Variants in GALNT10 observed in about 807,000 individuals in gnomAD.
GALNT10 encodes GalNAc transferase 10.
A neutral mutation model predicts 75.0 loss-of-function variants in GALNT10; 41 were observed. That is an observed-to-expected ratio of 0.55 (90% confidence interval 0.43 to 0.71). GALNT10 has a LOEUF of 0.71. Among genes scored for constraint, GALNT10 ranks in the 30% least tolerant of loss-of-function variants. GALNT10 has a pLI of 0.00. For missense variants in GALNT10, 727 were observed against 818.5 expected (o/e 0.89, Z 1.36); for synonymous variants, 302 against 313.0 (o/e 0.96, Z 0.37).
chr5:154,412,787 C>T lies in GALNT10; in HGVS notation c.1387-102C>T. ...TTATCAAGACGATTTGAAGGTTAATCCAGCTAATGTCTCCCACTTGGTTTC... is the reference window on the plus strand; with the variant it reads ...TTATCAAGACGATTTGAAGGTTAATTCAGCTAATGTCTCCCACTTGGTTTC... On this transcript the variant is annotated intron_variant, in intron 9 of 11. Coordinates refer to ENST00000297107, the MANE Select transcript of GALNT10 (RefSeq NM_198321.4). The surrounding 1 kb of genome is among the most constrained non-coding windows in gnomAD (Gnocchi z 4.2). 1 of 815,058 alleles carries T rather than the reference C, an allele frequency of 1.2e-6. No homozygotes were observed. Among genetic ancestry groups the T allele is most frequent in the East Asian group, 2.4e-5 (1 of 41,146 alleles). The allele number at this position is 815,058 out of a possible 1,614,324, so 50.5% of individuals were successfully genotyped here. A position where few individuals can be genotyped will look rare whatever the true frequency, so the allele number is the denominator to read the frequency against.
At chr5:154,399,411 AG>A (rs1386297261) in intron 7 of GALNT10, among the ~76,000 whole-genome samples, 2 of 152,198 alleles carry the variant, frequency 1.3e-5, no homozygotes, top group East Asian at 3.9e-4. Flanking sequence ...TGAGCAAGCC[AG>A]GAGCATGACG....
At chr5:154,344,824 A>G (rs1253213250) in intron 4 of GALNT10, among the ~76,000 whole-genome samples, 2 of 152,218 alleles carry the variant, frequency 1.3e-5, no homozygotes, top group Non-Finnish European at 2.9e-5. Flanking sequence ...TGTACATTTT[A>G]GAGATGAGAA....
intron 1 of GALNT10, among the ~76,000 whole-genome samples, chr5:154,268,738 A>G (rs1002429107): frequency 6.6e-6 from 1 of 152,244 alleles, no homozygotes; most frequent in East Asian, 1.9e-4. Flanking sequence ...CTCATTTAAT[A>G]AAGTTTAAAT....
chr5:154,208,944 G>T (rs145602126), intron 1 of GALNT10, among the ~76,000 whole-genome samples: 1 of 152,210 alleles, frequency 6.6e-6, no homozygotes, highest in Non-Finnish European at 1.5e-5. Context: ...GCACAGCTAT[G>T]CTTACTGAGT....
chr5:154,322,292 G>A (rs1754687621), intron 3 of GALNT10, among the ~76,000 whole-genome samples: 1 of 152,074 alleles, frequency 6.6e-6, no homozygotes, highest in Admixed American at 6.6e-5. Context: ...GCTAAGAGCT[G>A]CCCATCTTCC....
chr5:154,248,044 G>T (rs1443066497), intron 1 of GALNT10, among the ~76,000 whole-genome samples: 1 of 152,156 alleles, frequency 6.6e-6, no homozygotes, highest in Non-Finnish European at 1.5e-5. Context: ...TTTGTCAAAG[G>T]CCTTTTCTGC....
intron 1 of GALNT10, among the ~76,000 whole-genome samples, chr5:154,221,266 C>T (rs1752974232): frequency 6.6e-6 from 1 of 152,208 alleles, no homozygotes. Flanking sequence ...GCTCCACTGA[C>T]ATTTCATTTT....
At chr5:154,364,353 G>A (rs1405531393) in intron 4 of GALNT10, among the ~76,000 whole-genome samples, 1 of 152,132 alleles carries the variant, frequency 6.6e-6, no homozygotes, top group African/African-American at 2.4e-5. Context: ...TGAGATGAGA[G>A]GTGAGGGATT....
intron 7 of GALNT10, among the ~76,000 whole-genome samples, chr5:154,396,710 T>C (rs890259668): frequency 2.5e-4 from 38 of 152,326 alleles, no homozygotes; most frequent in South Asian, 1.7e-3. Context: ...CAAAACCTAA[T>C]GTAAAGTAAC....
At position 154,352,123 on chromosome 5, in the gene GALNT10, C is replaced by G. The variant is rs1330469802; in HGVS notation, c.568+22385C>G. ...TATTTATGAAATACCCACTCTGTAT[C>G]TGTTTACCAGATACCTGAGTTTCTA... On this transcript the variant is annotated intron_variant, in intron 4 of 11. Transcript: ENST00000297107. The surrounding 1 kb of genome is among the most constrained non-coding windows in gnomAD (Gnocchi z 4.4). 1.3e-5 allele frequency among the ~76,000 whole-genome samples: 2 copies of G among 152,214 alleles called. No individual in the cohort carries two copies. Among genetic ancestry groups the G allele is most frequent in the East Asian group, 3.8e-4 (2 of 5,202 alleles).
At chr5:154,215,554 G>A (rs933273807) in intron 1 of GALNT10, among the ~76,000 whole-genome samples, 7 of 152,212 alleles carry the variant, frequency 4.6e-5, no homozygotes, top group African/African-American at 1.7e-4. Context: ...CCAGGGATGT[G>A]GAGGTCACCA....
intron 7 of GALNT10, among the ~76,000 whole-genome samples, chr5:154,394,763 C>T (rs539084320): frequency 4.5e-4 from 69 of 152,354 alleles, no homozygotes; most frequent in African/African-American, 1.6e-3. Flanking sequence ...ATTTCCCCAT[C>T]CTTTTCCCTG....
intron 4 of GALNT10, chr5:154,338,301 A>C: frequency 4.9e-6 from 3 of 606,972 alleles, no homozygotes; most frequent in Non-Finnish European, 9.0e-6. Flanking sequence ...CTTACCACAC[A>C]ATCTCTGACC....
chr5:154,268,369 G>T (rs1022957459), intron 1 of GALNT10, among the ~76,000 whole-genome samples: 2 of 152,102 alleles, frequency 1.3e-5, no homozygotes, highest in African/African-American at 4.8e-5. Context: ...CCCTGGGTTG[G>T]CTAAAGAGAC....
chr5:154,397,220 A>G (rs1054632840), intron 7 of GALNT10, among the ~76,000 whole-genome samples: 4 of 150,680 alleles, frequency 2.7e-5, no homozygotes, highest in Non-Finnish European at 4.4e-5. Context: ...AGCTGCATCC[A>G]GTAAACATCC....
intron 1 of GALNT10, among the ~76,000 whole-genome samples, chr5:154,248,276 T>A (rs1249762483): frequency 0.012 from 1,450 of 119,056 alleles, no homozygotes; most frequent in Admixed American, 0.019. Flanking sequence ...AATTCTCTTT[T>A]TTTGTTGCGT....
intron 7 of GALNT10, among the ~76,000 whole-genome samples, chr5:154,401,779 G>A (rs565614764): frequency 1.3e-5 from 2 of 152,220 alleles, no homozygotes; most frequent in African/African-American, 4.8e-5. Context: ...GGAGCCAGGT[G>A]GAAGAGCAAG....
intron 1 of GALNT10, among the ~76,000 whole-genome samples, chr5:154,204,599 C>T (rs1431633692): frequency 1.3e-5 from 2 of 152,206 alleles, no homozygotes; most frequent in East Asian, 1.9e-4. Flanking sequence ...AGCCTTCTTA[C>T]ACATCCAGCA....
At chr5:154,234,550 A>C (rs1225966776) in intron 1 of GALNT10, among the ~76,000 whole-genome samples, 1 of 152,222 alleles carries the variant, frequency 6.6e-6, no homozygotes, top group Non-Finnish European at 1.5e-5. Context: ...CTCAGAAACA[A>C]GTTTATGAAA....
Sources: gnomAD v4.1 joint callset for allele counts (sites outside exome capture counted in the v4.1 genomes callset) on GRCh38, gnomAD v4.1.1 for gene constraint, Gnocchi (gnomAD v3.1) non-coding constraint, MANE v1.5 for transcripts, NCBI Gene and HGNC (gene_info 2026-07-23, HGNC 2026-07-21) for gene names.